FHIT: variants seen among roughly 807,000 people sequenced by gnomAD.
FHIT encodes fragile histidine triad diadenosine triphosphatase.
Under a neutral mutation model 17.9 loss-of-function variants are expected in FHIT, and 19 were observed. The observed-to-expected ratio is 1.06, with a 90% CI of 0.74 to 1.56. The LOEUF (loss-of-function observed/expected upper bound fraction) is 1.56, where lower values mean the gene tolerates loss of function less well. FHIT is among the 40% of genes most tolerant of loss of function. The probability of loss-of-function intolerance (pLI) is 0.00; values close to 1 mark genes in which losing one functional copy is unlikely to be tolerated. For synonymous variants in FHIT, 81 were observed against 69.7 expected (o/e 1.16, Z -0.81); for missense variants, 248 against 189.2 (o/e 1.31, Z -1.82).
At chr3:61,202,882 T>C (rs766761259) in intron 1 of FHIT, among the ~76,000 whole-genome samples, 1 of 151,924 alleles carries the variant, frequency 6.6e-6, no homozygotes, top group Non-Finnish European at 1.5e-5. Flanking sequence ...TGAAACCTTG[T>C]CTCTACTAAA....
chr3:60,986,369 A>T (rs969968923), intron 3 of FHIT, among the ~76,000 whole-genome samples: 1 of 152,198 alleles, frequency 6.6e-6, no homozygotes, highest in African/African-American at 2.4e-5. Flanking sequence ...TGGCCTTTTT[A>T]AAAATTGCTT....
intron 5 of FHIT, among the ~76,000 whole-genome samples, chr3:60,443,615 G>A (rs2031089851): frequency 1.3e-5 from 2 of 152,120 alleles, no homozygotes; most frequent in Admixed American, 1.3e-4. Context: ...GCATCCCAGG[G>A]ATGAAGCCCA....
intron 5 of FHIT, among the ~76,000 whole-genome samples, chr3:60,380,803 T>A (rs1372855035): frequency 6.6e-6 from 1 of 152,204 alleles, no homozygotes; most frequent in Non-Finnish European, 1.5e-5. Flanking sequence ...CTTAGACCAT[T>A]TTATCCATCA....
chr3:60,573,780 T>G (rs543585623), intron 4 of FHIT, among the ~76,000 whole-genome samples: 20 of 152,214 alleles, frequency 1.3e-4, no homozygotes, highest in South Asian at 1.2e-3. Context: ...TGGTGATCAT[T>G]CATTCTGCGT....
At chr3:60,179,862 G>A (rs1188904266) in intron 5 of FHIT, among the ~76,000 whole-genome samples, 1 of 152,110 alleles carries the variant, frequency 6.6e-6, no homozygotes, top group Non-Finnish European at 1.5e-5. Context: ...CTACATGAAA[G>A]GAAACAGCTA....
At chr3:60,551,664 G>C (rs1193152000) in intron 4 of FHIT, among the ~76,000 whole-genome samples, 1 of 144,358 alleles carries the variant, frequency 6.9e-6, no homozygotes, top group Non-Finnish European at 1.5e-5. Context: ...AGAGACCATG[G>C]CACGAAATGC....
At chr3:61,239,360 T>C (rs1012839287) in intron 1 of FHIT, among the ~76,000 whole-genome samples, 1 of 152,170 alleles carries the variant, frequency 6.6e-6, no homozygotes, top group Non-Finnish European at 1.5e-5. Flanking sequence ...TTTTCTCCCT[T>C]TGATGGTGTT....
At chr3:61,044,037 T>C (rs111644439) in intron 2 of FHIT, among the ~76,000 whole-genome samples, 3 of 151,878 alleles carry the variant, frequency 2.0e-5, no homozygotes, top group South Asian at 2.1e-4. Flanking sequence ...GAAACCAGAG[T>C]AGAAAAGCTG....
intron 5 of FHIT, among the ~76,000 whole-genome samples, chr3:60,291,724 T>C (rs1419547853): frequency 3.9e-5 from 6 of 152,152 alleles, no homozygotes; most frequent in Non-Finnish European, 5.9e-5. Context: ...AAATTATCCA[T>C]ATTTAGAGTG....
intron 5 of FHIT, among the ~76,000 whole-genome samples, chr3:60,532,917 T>C (rs2035839685): frequency 6.6e-6 from 1 of 152,092 alleles, no homozygotes; most frequent in African/African-American, 2.4e-5. Flanking sequence ...TTTACAAGCC[T>C]CTCATGAATG....
At chr3:60,633,620 C>A (rs1458859404) in intron 4 of FHIT, among the ~76,000 whole-genome samples, 1 of 152,164 alleles carries the variant, frequency 6.6e-6, no homozygotes, top group African/African-American at 2.4e-5. Context: ...TCAAGCTATT[C>A]CGCGATGACT....
chr3:60,753,586 G>C (rs1202098100), intron 4 of FHIT, among the ~76,000 whole-genome samples: 2 of 152,130 alleles, frequency 1.3e-5, no homozygotes, highest in African/African-American at 4.8e-5. Context: ...TTCTCTTGAA[G>C]GAAATTAATT....
At chr3:60,290,193 T>C (rs1013888914) in intron 5 of FHIT, among the ~76,000 whole-genome samples, 1 of 152,142 alleles carries the variant, frequency 6.6e-6, no homozygotes, top group Admixed American at 6.5e-5. Flanking sequence ...TGCTAGGAGA[T>C]ATTCCAACAG....
chr3:59,953,718 C>A (rs1707244698), intron 7 of FHIT, among the ~76,000 whole-genome samples: 1 of 152,222 alleles, frequency 6.6e-6, no homozygotes, highest in Non-Finnish European at 1.5e-5. Context: ...GCACACCAAA[C>A]CTTTCCAGCC....
intron 5 of FHIT, among the ~76,000 whole-genome samples, chr3:60,506,455 G>C (rs1221628295): frequency 3.3e-5 from 5 of 152,180 alleles, no homozygotes; most frequent in African/African-American, 4.8e-5. Flanking sequence ...ATAATCATTT[G>C]TCTGAAAATC....
chr3:60,741,693 C>CATA lies in FHIT; in HGVS notation c.-18+80225_-18+80226insTAT, dbSNP rs200325996. On this transcript the variant is annotated intron_variant, in intron 4 of 9. Coordinates refer to ENST00000492590, the MANE Select transcript of FHIT (RefSeq NM_002012.4). Reference sequence around the variant, plus strand: ...TGAAATGCCCTTTCTCCTTCTCCTTCTTATCCATTCATTAGGATCTAGCAA... The same window carrying CATA: ...TGAAATGCCCTTTCTCCTTCTCCTTCATATTATCCATTCATTAGGATCTAGCAA... Among the ~76,000 whole-genome samples the CATA allele has an allele frequency of 6.8e-4, 104 of 152,316 alleles. No individual in the cohort carries two copies. In the East Asian group the frequency reaches 0.011, roughly 16 times the overall value.
rs542523548 is a variant in FHIT at position 60,261,262 on chromosome 3, G to A, written c.104-247110C>T. ...CATGAGGTCCAAGAACCCTTTCTTA[G>A]GCTCTGGATTGGTACCCTTCCCAGT... On this transcript the variant is annotated intron_variant, in intron 5 of 9. Coordinates refer to ENST00000492590, the MANE Select transcript of FHIT (RefSeq NM_002012.4). 5.7e-4 allele frequency among the ~76,000 whole-genome samples: 87 copies of A among 152,064 alleles called. 1 individual carries two copies. Among genetic ancestry groups the A allele is most frequent in the African/African-American group, 2.0e-3 (81 of 41,510 alleles).
At chr3:60,839,007 CTG>C (rs2106852376) in intron 3 of FHIT, among the ~76,000 whole-genome samples, 1 of 152,148 alleles carries the variant, frequency 6.6e-6, no homozygotes, top group East Asian at 1.9e-4. Flanking sequence ...ATTTGAGAAT[CTG>C]TGAGACTGAA....
chr3:60,937,722 C>T (rs1708253571), intron 3 of FHIT, among the ~76,000 whole-genome samples: 1 of 151,954 alleles, frequency 6.6e-6, no homozygotes, highest in Non-Finnish European at 1.5e-5. Context: ...CGCCATCATG[C>T]CCAGCTAATT....
Sources: gnomAD v4.1 joint callset for allele counts (sites outside exome capture counted in the v4.1 genomes callset) on GRCh38, gnomAD v4.1.1 for gene constraint, MANE v1.5 for transcripts, NCBI Gene and HGNC (gene_info 2026-07-23, HGNC 2026-07-21) for gene names.